Variants in SLC24A4 observed in about 807,000 individuals in gnomAD.
The protein encoded by SLC24A4 is solute carrier family 24 member 4, also known as sodium/potassium/calcium exchanger 4.
In SLC24A4, 53 loss-of-function variants were observed where a neutral mutation model predicts 79.0. The observed-to-expected ratio is 0.67, with a 90% CI of 0.54 to 0.84. The LOEUF (loss-of-function observed/expected upper bound fraction) is 0.84. SLC24A4 is among the 40% of genes least tolerant of loss of function. The pLI, the probability that SLC24A4 is intolerant of heterozygous loss-of-function variation, is 0.00. For synonymous variants in SLC24A4, 323 were observed against 323.8 expected (o/e 1.00, Z 0.03); for missense variants, 731 against 822.0 (o/e 0.89, Z 1.35).
rs1319815301 is a variant in SLC24A4 at position 92,486,764 on chromosome 14, A to C, written c.1521A>C (p.Leu507=). The change falls in exon 14 of 17, where the codon CTA becomes CTC. Residue 507 remains leucine (L), a synonymous_variant. Coordinates refer to ENST00000532405, the MANE Select transcript of SLC24A4 (RefSeq NM_153646.4). ...GTSVPDCMAS[L]IVARQGLGDM... is the part of the protein sequence containing the mutation. ...GTGTTCCAGACTGCATGGCCAGCCT[A>C]ATTGTGGCGAGACAAGGTATGGATT... The C allele has an allele frequency of 1.2e-6, 2 of 1,613,930 alleles. No individual in the cohort carries two copies. The highest frequency in any genetic ancestry group is 1.1e-5 in the South Asian group (1 of 91,060).
intron 2 of SLC24A4, among the ~76,000 whole-genome samples, chr14:92,360,240 A>G (rs1887429696): frequency 6.6e-6 from 1 of 151,932 alleles, no homozygotes; most frequent in Admixed American, 6.6e-5. Flanking sequence ...AGTTTTTAAA[A>G]TCATTATTAT....
At chr14:92,427,978 C>G (rs1258059674) in intron 2 of SLC24A4, among the ~76,000 whole-genome samples, 1 of 152,172 alleles carries the variant, frequency 6.6e-6, no homozygotes, top group Non-Finnish European at 1.5e-5. Context: ...ATGTATGAAC[C>G]AGGACACTGG....
rs184721347 is a variant in SLC24A4 at position 92,472,548 on chromosome 14, T to C, written c.1256-10132T>C. ...CTTCACATAGAATAATAGTCCCCAA[T>C]CCCATCCAGGTTGCTGCAAATGCCA... On this transcript the variant is annotated intron_variant, in intron 12 of 16. Coordinates refer to ENST00000532405, the MANE Select transcript of SLC24A4 (RefSeq NM_153646.4). Among the ~76,000 whole-genome samples, 702 of 152,250 alleles carry C rather than the reference T, an allele frequency of 4.6e-3. 4 individuals are homozygous for C. Among genetic ancestry groups the C allele is most frequent in the Middle Eastern group, 6.8e-3 (2 of 294 alleles).
chr14:92,372,947 C>T (rs1191582477), intron 2 of SLC24A4, among the ~76,000 whole-genome samples: 9 of 137,600 alleles, frequency 6.5e-5, no homozygotes, highest in East Asian at 2.1e-4. Flanking sequence ...TTTTCTCTCT[C>T]TCTCTCTCTC....
intron 2 of SLC24A4, among the ~76,000 whole-genome samples, chr14:92,416,573 G>A (rs1171444108): frequency 1.3e-5 from 2 of 152,202 alleles, no homozygotes; most frequent in East Asian, 3.8e-4. Context: ...CCAAAGAGAT[G>A]CCTAAGGAAG....
At chr14:92,477,588 T>C (rs2139910059) in intron 12 of SLC24A4, among the ~76,000 whole-genome samples, 1 of 152,056 alleles carries the variant, frequency 6.6e-6, no homozygotes, top group Admixed American at 6.6e-5. Context: ...ACCTCCCAAG[T>C]AGTTGAGACT....
intron 2 of SLC24A4, among the ~76,000 whole-genome samples, chr14:92,414,753 AG>A (rs1271072628): frequency 6.6e-6 from 1 of 152,216 alleles, no homozygotes; most frequent in Non-Finnish European, 1.5e-5. Context: ...AACAGAAAAA[AG>A]GAAAACAATC....
At chr14:92,349,007 A>G (rs1210517059) in intron 2 of SLC24A4, among the ~76,000 whole-genome samples, 2 of 152,108 alleles carry the variant, frequency 1.3e-5, no homozygotes, top group African/African-American at 4.8e-5. Flanking sequence ...GTCACGCTGC[A>G]GGCTCTGGGA....
intron 2 of SLC24A4, among the ~76,000 whole-genome samples, chr14:92,375,391 T>G (rs1205333156): frequency 6.6e-6 from 1 of 152,200 alleles, no homozygotes; most frequent in African/African-American, 2.4e-5. Flanking sequence ...GAGAACAGTT[T>G]GGAGGTTCCT....
At chr14:92,384,505 T>C (rs186881354) in intron 2 of SLC24A4, among the ~76,000 whole-genome samples, 99 of 151,766 alleles carry the variant, frequency 6.5e-4, no homozygotes, top group African/African-American at 2.3e-3. Flanking sequence ...GGTGGGGGAT[T>C]TGAAGTTGAA....
At chr14:92,403,696 C>A (rs1465517935) in intron 2 of SLC24A4, among the ~76,000 whole-genome samples, 3 of 151,994 alleles carry the variant, frequency 2.0e-5, no homozygotes, top group Non-Finnish European at 4.4e-5. Flanking sequence ...GCCTTCCCCC[C>A]TTCTAGATAC....
chr14:92,471,309 C>T (rs1192534134), intron 12 of SLC24A4, among the ~76,000 whole-genome samples: 5 of 152,186 alleles, frequency 3.3e-5, no homozygotes, highest in East Asian at 3.8e-4. Flanking sequence ...GCTCATACTA[C>T]GGAGTCTCCT....
In SLC24A4 at chr14:92,440,250, C is replaced by T. The variant is rs572638415; in HGVS notation, c.393+841C>T. On this transcript the variant is annotated intron_variant, in intron 4 of 16. Coordinates refer to ENST00000532405, the MANE Select transcript of SLC24A4 (RefSeq NM_153646.4). ...TGGCAAACGTGTGCAAAGGCCTCCC[C>T]TTACCCCACATCCCCTCAGATGGAG... is the stretch of plus-strand genomic sequence containing the variant. Among the ~76,000 whole-genome samples the T allele has an allele frequency of 3.3e-5, 5 of 152,284 alleles. 1 individual carries two copies. The East Asian group carries it at 9.7e-4, about 29-fold the overall frequency.
At chr14:92,462,379 G>T (rs1465598208) in intron 12 of SLC24A4, 1 of 152,134 alleles carries the variant, frequency 6.6e-6, no homozygotes, top group Non-Finnish European at 1.5e-5. Context: ...GCCAGACAGG[G>T]TGCTTTATTT....
chr14:92,373,593 G>A (rs919979295), intron 2 of SLC24A4, among the ~76,000 whole-genome samples: 10 of 152,080 alleles, frequency 6.6e-5, no homozygotes. Context: ...TTACACATCC[G>A]AACAACTCAG....
chr14:92,478,181 C>A (rs1894875676), intron 12 of SLC24A4, among the ~76,000 whole-genome samples: 1 of 152,184 alleles, frequency 6.6e-6, no homozygotes, highest in Admixed American at 6.5e-5. Flanking sequence ...TTTACTTATT[C>A]TTTTGTTGCT....
rs974596687 is a variant in SLC24A4 at position 92,496,020 on chromosome 14, C to G, written c.*2392C>G. 6.6e-6 allele frequency: 1 copy of G among 152,502 alleles called. No individual in the cohort carries two copies. Among genetic ancestry groups the G allele is most frequent in the Non-Finnish European group, 1.5e-5 (1 of 68,050 alleles). The allele number at this position is 152,502 out of a possible 1,614,324, so 9.4% of individuals were successfully genotyped here. On this transcript the variant is annotated 3_prime_UTR_variant, in exon 17 of 17. Coordinates refer to ENST00000532405, the MANE Select transcript of SLC24A4 (RefSeq NM_153646.4). ...GGCGTCCCTGCTGGTTTTCAATTCT[C>G]TGAAGCCTTGTGTAGCTTTCAGAGC...
At chr14:92,387,820 T>C (rs1265478211) in intron 2 of SLC24A4, among the ~76,000 whole-genome samples, 2 of 152,250 alleles carry the variant, frequency 1.3e-5, no homozygotes, top group African/African-American at 4.8e-5. Flanking sequence ...ATTTGTTCTT[T>C]TGTGACCAGC....
chr14:92,383,198 A>C (rs1888953730), intron 2 of SLC24A4, among the ~76,000 whole-genome samples: 1 of 152,190 alleles, frequency 6.6e-6, no homozygotes, highest in Non-Finnish European at 1.5e-5. Flanking sequence ...GCAGAGAAGG[A>C]GACCTGATGT....
Sources: allele counts gnomAD v4.1 joint callset (sites outside exome capture counted in the v4.1 genomes callset), GRCh38; gene constraint gnomAD v4.1.1; transcripts MANE v1.5; gene names NCBI Gene and HGNC (gene_info 2026-07-23, HGNC 2026-07-21).